Variants in CACNB2 observed in about 807,000 individuals in gnomAD.
The protein encoded by CACNB2 is calcium voltage-gated channel auxiliary subunit beta 2, also known as voltage-dependent L-type calcium channel subunit beta-2.
Under a neutral mutation model 73.3 loss-of-function variants are expected in CACNB2, and 42 were observed. The ratio of observed to expected loss-of-function variants is 0.57; its 90% CI spans 0.45 to 0.74. The LOEUF (loss-of-function observed/expected upper bound fraction) is 0.74. Ranked by LOEUF, CACNB2 falls within the 30% of genes least tolerant of loss-of-function variation. The pLI, the probability that CACNB2 is intolerant of heterozygous loss-of-function variation, is 0.00. For missense variants in CACNB2, 940 were observed against 853.0 expected, an observed-to-expected ratio of 1.10 and a Z score of -1.27; for synonymous variants, 348 against 310.3, an observed-to-expected ratio of 1.12 and a Z score of -1.28.
chr10:18,215,809 G>C (rs1254017967), intron 2 of CACNB2, among the ~76,000 whole-genome samples: 1 of 152,122 alleles, frequency 6.6e-6, no homozygotes, highest in Non-Finnish European at 1.5e-5. Flanking sequence ...CCACTCCCAA[G>C]GCCATGTTGA....
chr10:18,256,742 A>C (rs1442208548), intron 2 of CACNB2: 1 of 152,428 alleles, frequency 6.6e-6, no homozygotes, highest in Non-Finnish European at 1.5e-5. Flanking sequence ...GGAGTTCAAG[A>C]CCAGCCTGGG....
At chr10:18,393,871 A>G (rs2043594246) in intron 2 of CACNB2, among the ~76,000 whole-genome samples, 1 of 152,216 alleles carries the variant, frequency 6.6e-6, no homozygotes, top group African/African-American at 2.4e-5. Flanking sequence ...TCCACAAAAC[A>G]GCATTCTATT....
chr10:18,319,558 T>TAC (rs2040320999), intron 2 of CACNB2, among the ~76,000 whole-genome samples: 1 of 152,092 alleles, frequency 6.6e-6, no homozygotes. Context: ...GGCACATGCA[T>TAC]ACCTATGTAA....
Position 18,503,439 on chromosome 10 carries a change from G to GT in CACNB2, c.593+2492dup, listed in dbSNP as rs544996701. ...TGGTGAAACCCTGTCTCTACCAAAA[G>GT]TATGAAACTAGCTGGGTGTGGTGGT... On this transcript the variant is annotated intron_variant, in intron 5 of 13. Transcript: ENST00000324631. 1.8e-3 allele frequency among the ~76,000 whole-genome samples: 269 copies of GT among 152,238 alleles called. 1 individual carries two copies. Among genetic ancestry groups the GT allele is most frequent in the African/African-American group, 6.3e-3 (262 of 41,540 alleles).
intron 2 of CACNB2, among the ~76,000 whole-genome samples, chr10:18,367,232 C>T (rs1415240150): frequency 6.6e-6 from 1 of 151,110 alleles, no homozygotes; most frequent in East Asian, 1.9e-4. Flanking sequence ...CCCTTAGGGA[C>T]TAGCACAAAT....
chr10:18,268,823 C>G (rs960158147), intron 2 of CACNB2, among the ~76,000 whole-genome samples: 5 of 152,156 alleles, frequency 3.3e-5, no homozygotes, highest in African/African-American at 9.7e-5. Flanking sequence ...AGAAAACACT[C>G]AACCTGAAAT....
intron 2 of CACNB2, among the ~76,000 whole-genome samples, chr10:18,184,562 G>T (rs966941901): frequency 6.8e-6 from 1 of 147,772 alleles, no homozygotes; most frequent in Non-Finnish European, 1.5e-5. Flanking sequence ...TACTTTTACT[G>T]TTCCAGGACC....
chr10:18,369,280 G>A (rs768737670), intron 2 of CACNB2, among the ~76,000 whole-genome samples: 4 of 151,912 alleles, frequency 2.6e-5, no homozygotes, highest in South Asian at 2.1e-4. Flanking sequence ...TTTTCTCCCC[G>A]TGAATCAAAT....
rs34551674 is a variant in CACNB2, at chr10:18,540,333, AATATATATATAT to A, written c.*612_*623del. The stretch of plus-strand genomic sequence containing the variant: ...ACAAACACCTTCTTATTATATATAT[AATATATATATAT>A]ATCAGTTTGATCACACTATTTTAGA... On this transcript the variant is annotated 3_prime_UTR_variant, in exon 14 of 14. Transcript: ENST00000324631. 6.9e-6 allele frequency: 1 copy of A among 144,932 alleles called. No homozygotes were observed. Among genetic ancestry groups the A allele is most frequent in the South Asian group, 2.2e-4 (1 of 4,642 alleles). The allele number at this position is 144,932 out of a possible 1,614,324, so 9.0% of individuals were successfully genotyped here.
intron 9 of CACNB2, among the ~76,000 whole-genome samples, chr10:18,524,341 T>C (rs2052233721): frequency 1.3e-5 from 2 of 152,066 alleles, no homozygotes; most frequent in South Asian, 2.1e-4. Context: ...GAATCTTCTG[T>C]AGGACAGTCT....
At chr10:18,227,141 G>C (rs10828327) in intron 2 of CACNB2, among the ~76,000 whole-genome samples, 5,183 of 152,136 alleles carry the variant, frequency 0.034, 102 homozygotes, top group East Asian at 0.093. Flanking sequence ...GTCGAATATC[G>C]TAATGGGGTC....
At chr10:18,176,134 T>C (rs1489942951) in intron 2 of CACNB2, among the ~76,000 whole-genome samples, 1 of 152,166 alleles carries the variant, frequency 6.6e-6, no homozygotes, top group African/African-American at 2.4e-5. Flanking sequence ...TGCGCTTCCA[T>C]TCATGACCAC....
chr10:18,470,715 A>C (rs764442367), intron 3 of CACNB2, among the ~76,000 whole-genome samples: 1 of 152,058 alleles, frequency 6.6e-6, no homozygotes, highest in Admixed American at 6.6e-5. Context: ...TTTCACAAGC[A>C]CTTAGCTTGG....
At chr10:18,329,757 C>A (rs1199570742) in intron 2 of CACNB2, among the ~76,000 whole-genome samples, 1 of 152,064 alleles carries the variant, frequency 6.6e-6, no homozygotes, top group Non-Finnish European at 1.5e-5. Flanking sequence ...ACTTTTATCC[C>A]AAATTCATTG....
intron 2 of CACNB2, among the ~76,000 whole-genome samples, chr10:18,387,664 A>T (rs1478949802): frequency 1.3e-5 from 2 of 152,150 alleles, no homozygotes; most frequent in Non-Finnish European, 2.9e-5. Flanking sequence ...TCTAGCACAT[A>T]ACATATGCAT....
Position 18,518,772 on chromosome 10 carries a change from A to C in CACNB2, c.886-138A>C, listed in dbSNP as rs535567500. On this transcript the variant is annotated intron_variant, in intron 8 of 13. Coordinates refer to ENST00000324631, the MANE Select transcript of CACNB2 (RefSeq NM_201596.3). ...TGCATCAGAACTCAGAAGCAGAAAA[A>C]TGCGGCAACCTCATATTGCCACTCT... is the stretch of plus-strand genomic sequence containing the variant. 5.3e-6 allele frequency: 4 copies of C among 752,610 alleles called. No individual in the cohort carries two copies. The East Asian group carries it at 1.0e-4, about 20-fold the overall frequency. 46.6% of individuals were successfully genotyped at this position (752,610 alleles called of 1,614,324 possible).
intron 3 of CACNB2, among the ~76,000 whole-genome samples, chr10:18,437,916 T>C (rs1589353545): frequency 6.6e-6 from 1 of 151,422 alleles, no homozygotes; most frequent in Non-Finnish European, 1.5e-5. Context: ...TCTAAAATGA[T>C]TGGAAACTTA....
chr10:18,451,234 A>G (rs1301397710), intron 3 of CACNB2, among the ~76,000 whole-genome samples: 1 of 152,178 alleles, frequency 6.6e-6, no homozygotes, highest in Non-Finnish European at 1.5e-5. Flanking sequence ...AAAAGTAACT[A>G]CTTAATGAAG....
At chr10:18,524,214 T>TTG (rs1383931343) in intron 9 of CACNB2, among the ~76,000 whole-genome samples, 1 of 152,112 alleles carries the variant, frequency 6.6e-6, no homozygotes, top group Non-Finnish European at 1.5e-5. Context: ...ACGGTTTTTT[T>TTG]TTTTTGTTTT....
Sources: gnomAD v4.1 joint callset for allele counts (sites outside exome capture counted in the v4.1 genomes callset) on GRCh38, gnomAD v4.1.1 for gene constraint, MANE v1.5 for transcripts, NCBI Gene and HGNC (gene_info 2026-07-23, HGNC 2026-07-21) for gene names.